Variants in FHIT observed in about 807,000 individuals in gnomAD.
The protein encoded by FHIT is fragile histidine triad diadenosine triphosphatase.
FHIT carries 19 observed loss-of-function variants against 17.9 expected under a neutral mutation model. The ratio of observed to expected loss-of-function variants is 1.06; its 90% CI spans 0.74 to 1.56. The LOEUF (loss-of-function observed/expected upper bound fraction) is 1.56. FHIT is among the 40% of genes most tolerant of loss of function. The pLI is 0.00. For synonymous variants in FHIT, 81 were observed against 69.7 expected (o/e 1.16, Z -0.81); for missense variants, 248 against 189.2 (o/e 1.31, Z -1.82).
intron 3 of FHIT, among the ~76,000 whole-genome samples, chr3:60,832,120 C>T (rs782180651): frequency 1.3e-5 from 2 of 151,880 alleles, no homozygotes; most frequent in Non-Finnish European, 2.9e-5. Context: ...ATGTGCTGGG[C>T]ACCATCTAAA....
chr3:60,401,381 A>G (rs1701650921), intron 5 of FHIT, among the ~76,000 whole-genome samples: 1 of 152,128 alleles, frequency 6.6e-6, no homozygotes, highest in Non-Finnish European at 1.5e-5. Flanking sequence ...TGCCAGACTC[A>G]CTGATCCTCT....
At chr3:60,767,749 C>T (rs1699904619) in intron 4 of FHIT, among the ~76,000 whole-genome samples, 1 of 152,186 alleles carries the variant, frequency 6.6e-6, no homozygotes, top group Admixed American at 6.5e-5. Context: ...GGCTTTCCCT[C>T]TTGTTAAGCA....
At chr3:60,145,311 A>C (rs1201865608) in intron 5 of FHIT, among the ~76,000 whole-genome samples, 2 of 152,186 alleles carry the variant, frequency 1.3e-5, no homozygotes, top group Admixed American at 1.3e-4. Context: ...TTCTGCAGTC[A>C]CATTATATGT....
At chr3:60,355,662 A>G (rs1422890118) in intron 5 of FHIT, among the ~76,000 whole-genome samples, 1 of 152,214 alleles carries the variant, frequency 6.6e-6, no homozygotes. Context: ...GCAGCTATCT[A>G]CAAATAGAAC....
At chr3:60,096,494 G>A (rs1048332883) in intron 5 of FHIT, among the ~76,000 whole-genome samples, 3 of 152,198 alleles carry the variant, frequency 2.0e-5, no homozygotes, top group Admixed American at 6.5e-5. Context: ...GTTTCATCCA[G>A]GACCAGCAGT....
At chr3:60,763,765 C>G (rs188080331) in intron 4 of FHIT, among the ~76,000 whole-genome samples, 7 of 152,188 alleles carry the variant, frequency 4.6e-5, no homozygotes, top group Admixed American at 4.6e-4. Flanking sequence ...ACTCATATTA[C>G]AAGGCTGCTA....
At chr3:60,081,467 C>G (rs2736782) in intron 5 of FHIT, among the ~76,000 whole-genome samples, 99,863 of 151,824 alleles carry the variant, frequency 0.66, 33,950 homozygotes, top group East Asian at 0.81. Flanking sequence ...TCCTGAAGTT[C>G]CTTAAAACTC....
chr3:59,965,214 A>C (rs1338732427), intron 7 of FHIT, among the ~76,000 whole-genome samples: 1 of 152,174 alleles, frequency 6.6e-6, no homozygotes, highest in Non-Finnish European at 1.5e-5. Context: ...AGGGCTTTAA[A>C]TTGTCTAGCA....
chr3:60,224,534 C>A (rs1289153810), intron 5 of FHIT, among the ~76,000 whole-genome samples: 1 of 152,028 alleles, frequency 6.6e-6, no homozygotes, highest in Non-Finnish European at 1.5e-5. Flanking sequence ...CCCTCCTAAG[C>A]CATCCATGAG....
At chr3:60,020,862 T>C (rs17321950) in intron 5 of FHIT, among the ~76,000 whole-genome samples, 4,078 of 152,316 alleles carry the variant, frequency 0.027, 114 homozygotes, top group South Asian at 0.13. Flanking sequence ...AAGTAATCTA[T>C]TCACAACGTA....
At chr3:60,461,377 C>A (rs1458818169) in intron 5 of FHIT, among the ~76,000 whole-genome samples, 3 of 152,164 alleles carry the variant, frequency 2.0e-5, no homozygotes, top group Non-Finnish European at 4.4e-5. Context: ...TAGAAAGAGA[C>A]TCTCCAGCAG....
intron 5 of FHIT, among the ~76,000 whole-genome samples, chr3:60,084,881 G>T (rs1703433200): frequency 6.6e-6 from 1 of 152,030 alleles, no homozygotes; most frequent in African/African-American, 2.4e-5. Flanking sequence ...TAGAATCAGG[G>T]ATGGGTTAGA....
At chr3:60,951,711 T>C (rs1708892681) in intron 3 of FHIT, among the ~76,000 whole-genome samples, 1 of 150,462 alleles carries the variant, frequency 6.6e-6, no homozygotes, top group South Asian at 2.1e-4. Context: ...GGCTAAAAGA[T>C]GTAAGAAAAA....
intron 2 of FHIT, among the ~76,000 whole-genome samples, chr3:61,132,441 C>T (rs2106959889): frequency 6.6e-6 from 1 of 152,238 alleles, no homozygotes; most frequent in East Asian, 1.9e-4. Context: ...AATCTTGGTG[C>T]CAGATAAACA....
intron 5 of FHIT, among the ~76,000 whole-genome samples, chr3:60,180,145 A>G (rs77920711): frequency 0.034 from 5,114 of 152,320 alleles, 272 homozygotes; most frequent in African/African-American, 0.12. Context: ...AAGACTTGAC[A>G]AAAAGCACAC....
chr3:61,248,086 G>A (rs914903481), intron 1 of FHIT, among the ~76,000 whole-genome samples: 3 of 152,218 alleles, frequency 2.0e-5, no homozygotes, highest in Non-Finnish European at 4.4e-5. Context: ...GATCTCAAAG[G>A]CTGAGATTTT....
intron 5 of FHIT, among the ~76,000 whole-genome samples, chr3:60,277,442 G>A (rs1286781592): frequency 6.6e-6 from 1 of 152,150 alleles, no homozygotes; most frequent in Non-Finnish European, 1.5e-5. Context: ...GTGCCAATAA[G>A]AAAAAGCTAC....
intron 2 of FHIT, among the ~76,000 whole-genome samples, chr3:61,088,213 T>C (rs2035365467): frequency 6.6e-6 from 1 of 151,790 alleles, no homozygotes; most frequent in Non-Finnish European, 1.5e-5. Flanking sequence ...CAGAAAAGAG[T>C]TTTGTTTTAG....
intron 4 of FHIT, among the ~76,000 whole-genome samples, chr3:60,579,156 T>C (rs72885802): frequency 6.6e-6 from 1 of 152,130 alleles, no homozygotes; most frequent in East Asian, 1.9e-4. Flanking sequence ...TTAGGCAATT[T>C]TGTCATAGCA....
Sources: allele counts gnomAD v4.1 joint callset (sites outside exome capture counted in the v4.1 genomes callset), GRCh38; gene constraint gnomAD v4.1.1; transcripts MANE v1.5; gene names NCBI Gene and HGNC (gene_info 2026-07-23, HGNC 2026-07-21).